The following LOXHD1 variants were observed in gnomAD, a reference collection of about 807,000 sequenced individuals.
LOXHD1 encodes the protein lipoxygenase homology domain-containing protein 1.
A neutral mutation model predicts 248.2 loss-of-function variants in LOXHD1; 205 were observed. The ratio of observed to expected loss-of-function variants is 0.83; its 90% CI spans 0.74 to 0.93. The LOEUF is 0.93. LOXHD1 is among the 40% of genes least tolerant of loss of function. The pLI is 0.00. For missense variants in LOXHD1, 2,930 were observed against 2,971.6 expected (o/e 0.99, Z 0.33); for synonymous variants, 1,113 against 1,162.8 (o/e 0.96, Z 0.87).
chr18:46,613,613 T>C (rs79609847), intron 5 of LOXHD1, among the ~76,000 whole-genome samples: 1,794 of 152,294 alleles, frequency 0.012, 42 homozygotes, highest in East Asian at 0.073. Flanking sequence ...AATGAGTAGC[T>C]GGACTATTTC....
At chr18:46,541,592 C>T (rs1235523483) in intron 25 of LOXHD1, among the ~76,000 whole-genome samples, 184 bp downstream of exon 25, 2 of 152,164 alleles carry the variant, frequency 1.3e-5, no homozygotes, top group African/African-American at 4.8e-5. Context: ...ATTTTCATTT[C>T]CTGGGTCCAG....
intron 14 of LOXHD1, among the ~76,000 whole-genome samples, chr18:46,574,480 A>C (rs537498673): frequency 6.6e-6 from 1 of 151,014 alleles, no homozygotes; most frequent in South Asian, 2.1e-4. Flanking sequence ...CAACAGAGTT[A>C]AAATAACAGC....
Position 46,522,267 on chromosome 18 carries a change from T to C in LOXHD1, c.4919A>G (p.Asp1640Gly), listed in dbSNP as rs2035617423. ...YVSVTTGKHK[D>G]AATDSRAFIF... ...GAAGGCTCGGCTGTCAGTGGCCGCG[T>C]CCTTGTGCTTCCCAGTGGTGACTGA... The change falls in exon 32 of 41, where the codon GAC (aspartate) becomes GGC (glycine). Residue 1640 changes from aspartate to glycine, a missense_variant. By Grantham distance (94) the Asp-to-Gly change is moderately conservative (BLOSUM62 -1). Transcript: ENST00000642948. 1.3e-6 allele frequency: 2 copies of C among 1,551,836 alleles called. No homozygotes were observed. Among genetic ancestry groups the C allele is most frequent in the South Asian group, 1.2e-5 (1 of 84,060 alleles).
At chr18:46,613,126 TG>T (rs1280921049) in intron 5 of LOXHD1, among the ~76,000 whole-genome samples, 2 of 152,124 alleles carry the variant, frequency 1.3e-5, no homozygotes, top group African/African-American at 4.8e-5. Context: ...ATGTAAGCTG[TG>T]GGGTATTGCC....
chr18:46,568,213 G>A (rs1265500576), intron 16 of LOXHD1, among the ~76,000 whole-genome samples: 2 of 152,104 alleles, frequency 1.3e-5, no homozygotes, highest in African/African-American at 4.8e-5. Context: ...CAGGTAGAGG[G>A]CTTGTTACCA....
intron 2 of LOXHD1, among the ~76,000 whole-genome samples, chr18:46,644,072 A>G (rs2038997425): frequency 6.6e-6 from 1 of 152,212 alleles, no homozygotes; most frequent in Non-Finnish European, 1.5e-5. Flanking sequence ...TAACTTTCCA[A>G]AAGGAACACA....
chr18:46,620,688 C>T (rs1338685786), intron 4 of LOXHD1, among the ~76,000 whole-genome samples: 1 of 152,134 alleles, frequency 6.6e-6, no homozygotes, highest in Non-Finnish European at 1.5e-5. Flanking sequence ...TGGAGAGCCA[C>T]CTGCCAGGGA....
chr18:46,618,349 G>A, intron 4 of LOXHD1, 59 bp from the exon 5 acceptor site: 2 of 1,168,340 alleles, frequency 1.7e-6, no homozygotes, highest in Non-Finnish European at 2.5e-6. Context: ...GAGAATAGAG[G>A]CCCCAAAGTA....
chr18:46,514,911 G>A (rs1568122300), intron 34 of LOXHD1, among the ~76,000 whole-genome samples: 2 of 152,092 alleles, frequency 1.3e-5, no homozygotes, highest in Non-Finnish European at 2.9e-5. Flanking sequence ...GACACCAATC[G>A]CCTCAAATCC....
chr18:46,532,791 G>A (rs2036131361), intron 28 of LOXHD1, among the ~76,000 whole-genome samples: 1 of 152,244 alleles, frequency 6.6e-6, no homozygotes, highest in South Asian at 2.1e-4. Context: ...AGCAAGAGCA[G>A]AGAGGCCAAA....
chr18:46,567,330 C>A (rs550453113), intron 16 of LOXHD1, among the ~76,000 whole-genome samples: 1 of 152,222 alleles, frequency 6.6e-6, no homozygotes. Context: ...ACTGTCCATG[C>A]GAGCCTGCTC....
At chr18:46,562,992 T>C in intron 18 of LOXHD1, 73 bp downstream of exon 18, 5 of 1,474,530 alleles carry the variant, frequency 3.4e-6, no homozygotes, top group Non-Finnish European at 4.6e-6. Flanking sequence ...CTGAGGAAAT[T>C]AGTACACCCA....
chr18:46,563,186 C>A lies in LOXHD1; in HGVS notation c.2477G>T (p.Gly826Val). ...GACTCGGGCACTGGTGCCTGCGCCA[C>A]CCACATCTCCTGTCCAAATCTCAAC... ...YEVEIWTGDV[G>V]GAGTSARVYM... The change falls in exon 18 of 41, where the codon GGT becomes GTT. Residue 826 changes from glycine (G) to valine (V), a missense_variant. Gly to Val is a moderately radical substitution (Grantham distance 109, BLOSUM62 -3). Coordinates refer to ENST00000642948, the MANE Select transcript of LOXHD1 (RefSeq NM_001384474.1). The A allele has an allele frequency of 6.6e-7, 1 of 1,524,564 alleles. No homozygotes were observed. The highest frequency in any genetic ancestry group is 1.4e-5 in the African/African-American group (1 of 72,752). 94.4% of individuals were successfully genotyped at this position (1,524,564 alleles called of 1,614,324 possible).
chr18:46,576,865 A>T (rs1022096469), intron 14 of LOXHD1, among the ~76,000 whole-genome samples: 1 of 152,160 alleles, frequency 6.6e-6, no homozygotes, highest in Non-Finnish European at 1.5e-5. Flanking sequence ...GCATGTGAGT[A>T]CATCTGCGTT....
At chr18:46,635,463 C>A (rs2144366297) in intron 4 of LOXHD1, among the ~76,000 whole-genome samples, 1 of 152,252 alleles carries the variant, frequency 6.6e-6, no homozygotes, top group South Asian at 2.1e-4. Context: ...ACAGTCTAGT[C>A]CTAGCTCCAT....
In LOXHD1 at chr18:46,518,214, C is replaced by G. The variant is rs775186197; in HGVS notation, c.5314G>C (p.Gly1772Arg). The G allele has an allele frequency of 1.9e-6, 3 of 1,551,672 alleles. No individual in the cohort carries two copies. In the South Asian group the frequency reaches 3.6e-5, roughly 18 times the overall value. The part of the protein sequence containing the change: ...MTVWTGDVVG[G>R]GTDSNIFMTL... ...ATGAAGATGTTGGAGTCAGTGCCCC[C>G]GCCAACCACATCCCCTGTCCACACC... The change falls in exon 34 of 41, where the codon GGG becomes CGG. Residue 1772 changes from glycine to arginine, a missense_variant. Gly to Arg is a moderately radical substitution (Grantham distance 125). Transcript: ENST00000642948.
intron 12 of LOXHD1, among the ~76,000 whole-genome samples, chr18:46,586,866 T>G (rs1250813542): frequency 6.6e-6 from 1 of 152,246 alleles, no homozygotes; most frequent in East Asian, 1.9e-4. Flanking sequence ...AAATTATTTT[T>G]TCAGTAATAT....
At chr18:46,540,454 C>A (rs2036509852) in intron 25 of LOXHD1, among the ~76,000 whole-genome samples, 1 of 152,112 alleles carries the variant, frequency 6.6e-6, no homozygotes, top group Admixed American at 6.5e-5. Flanking sequence ...TTCCTCTGAG[C>A]CTCTGGGGTT....
At chr18:46,555,022 G>A in intron 21 of LOXHD1, 1 of 380,890 alleles carries the variant, frequency 2.6e-6, no homozygotes, top group Non-Finnish European at 5.6e-6. Context: ...TAATGAAGGG[G>A]GACAAGTACT....
Sources: allele counts gnomAD v4.1 joint callset (sites outside exome capture counted in the v4.1 genomes callset), GRCh38; gene constraint gnomAD v4.1.1; transcripts MANE v1.5; gene names NCBI Gene and HGNC (gene_info 2026-07-23, HGNC 2026-07-21).